The following EP400 variants were observed in gnomAD, a reference collection of about 807,000 sequenced individuals.
EP400 encodes the protein E1A-binding protein p400.
A neutral mutation model predicts 354.1 loss-of-function variants in EP400; 105 were observed. The observed-to-expected ratio is 0.30, with a 90% confidence interval of 0.25 to 0.35. The LOEUF is 0.35. Among genes scored for constraint, EP400 ranks in the 10% least tolerant of loss-of-function variants. The probability of loss-of-function intolerance (pLI) is 1.00; values close to 1 mark genes in which losing one functional copy is unlikely to be tolerated. For missense variants in EP400, 3,280 were observed against 4,121.0 expected (o/e 0.80, Z 5.59); for synonymous variants, 1,646 against 1,716.9 (o/e 0.96, Z 1.02).
rs1487298396 is a variant in EP400, at chr12:132,038,231, G to A, written c.6207+135G>A. ...AGCCCTCTTCCCGTCCCTGCTTTTG[G>A]AACCTCCCCACTCCCTTCTTTCTGT... is the stretch of plus-strand genomic sequence containing the variant. On this transcript the variant is annotated intron_variant, in intron 32 of 52. Transcript: ENST00000389561. The surrounding 1 kb of genome is among the most constrained non-coding windows in gnomAD (Gnocchi z 4.2). The A allele has an allele frequency of 3.6e-6, 4 of 1,097,052 alleles. No individual in the cohort carries two copies. In the African/African-American group the frequency reaches 4.7e-5, roughly 13 times the overall value. The allele number at this position is 1,097,052 out of a possible 1,614,324, so 68.0% of individuals were successfully genotyped here.
At chr12:131,953,677 T>C (rs1174939016) in intron 1 of EP400, among the ~76,000 whole-genome samples, 2 of 152,248 alleles carry the variant, frequency 1.3e-5, no homozygotes, top group Admixed American at 1.3e-4. Context: ...GGTGGGAGAA[T>C]AATGAAGGTT....
intron 29 of EP400, among the ~76,000 whole-genome samples, chr12:132,030,529 C>G (rs1470524039): frequency 2.6e-5 from 4 of 152,184 alleles, no homozygotes; most frequent in African/African-American, 9.7e-5. Flanking sequence ...TTTGCCAAGG[C>G]TGTTTTGTTT....
At chr12:131,974,798 G>C (rs562959219) in intron 2 of EP400, among the ~76,000 whole-genome samples, 1 of 151,946 alleles carries the variant, frequency 6.6e-6, no homozygotes, top group African/African-American at 2.4e-5. Context: ...AACCAGCCTG[G>C]TCAACATAGT....
At chr12:131,978,097 A>G (rs1303933452) in intron 2 of EP400, among the ~76,000 whole-genome samples, 1 of 152,234 alleles carries the variant, frequency 6.6e-6, no homozygotes, top group Non-Finnish European at 1.5e-5. Flanking sequence ...TGTGCTAACC[A>G]AGAGTTGGCT....
chr12:131,999,826 C>G (rs1249614879), intron 12 of EP400, among the ~76,000 whole-genome samples: 1 of 152,108 alleles, frequency 6.6e-6, no homozygotes, highest in Non-Finnish European at 1.5e-5. Context: ...TTTATTTCAT[C>G]TACATTTTAA....
chr12:131,986,687 A>C lies in EP400; in HGVS notation c.2103A>C (p.Pro701=). 6.2e-7 allele frequency: 1 copy of C among 1,614,144 alleles called. No individual in the cohort carries two copies. The highest frequency in any genetic ancestry group is 8.5e-7 in the Non-Finnish European group (1 of 1,180,020). Residue 701 remains proline, a synonymous_variant, in exon 6 of 53, where the codon CCA becomes CCC. Coordinates refer to ENST00000389561, the MANE Select transcript of EP400 (RefSeq NM_015409.5). The part of the protein sequence containing the change: ...PSSATNKALS[P]VTSRTPGVVA... ...CAGCCACCAATAAGGCACTATCTCC[A>C]GTCACTTCCCGGACCCCAGGGGTGG... is the stretch of plus-strand genomic sequence containing the variant.
At position 132,013,292 on chromosome 12, in the gene EP400, G is replaced by T; in HGVS notation, c.3611+114G>T. The T allele has an allele frequency of 1.4e-6, 2 of 1,444,626 alleles. No homozygotes were observed. Among genetic ancestry groups the T allele is most frequent in the Non-Finnish European group, 1.8e-6 (2 of 1,084,470 alleles). The allele number at this position is 1,444,626 out of a possible 1,614,324, so 89.5% of individuals were successfully genotyped here. A position where few individuals can be genotyped will look rare whatever the true frequency, so the allele number is the denominator to read the frequency against. On this transcript the variant is annotated intron_variant, in intron 17 of 52. Transcript: ENST00000389561. This position sits in a 1 kb window ranked among gnomAD's most constrained non-coding sequence, Gnocchi z 4.5. ...ACAATGGCCTTTGAGCTAGAGAATT[G>T]CTTTTCATCTTCATCCCAGCACATG...
At chr12:131,966,243 A>T (rs1892075741) in intron 2 of EP400, among the ~76,000 whole-genome samples, 1 of 152,036 alleles carries the variant, frequency 6.6e-6, no homozygotes, top group Admixed American at 6.5e-5. Context: ...GCACTTTGGG[A>T]GGCCAAGGTG....
chr12:132,032,029 T>C lies in EP400; in HGVS notation c.5831T>C (p.Ile1944Thr), dbSNP rs1221971092. 6.2e-7 allele frequency: 1 copy of C among 1,614,216 alleles called. No homozygotes were observed. Among genetic ancestry groups the C allele is most frequent in the African/African-American group, 1.3e-5 (1 of 75,054 alleles). ...TCCACTCACAGCCGTACCACAGGTA[T>C]AAACCTTGTAGAGGCGGACACCGTC... is the stretch of plus-strand genomic sequence containing the variant. The part of the protein sequence containing the change: ...ILSTHSRTTG[I>T]NLVEADTVVF... The change falls in exon 30 of 53, where the codon ATA becomes ACA. Residue 1944 changes from isoleucine (I) to threonine (T), a missense_variant. This residue lies in a region of EP400 where 459 missense variants were observed against 496.9 expected (regional missense o/e 0.92). Coordinates refer to ENST00000389561, the MANE Select transcript of EP400 (RefSeq NM_015409.5).
In EP400 at chr12:132,079,968, T is replaced by C. The variant is rs1003910347; in HGVS notation, c.*2295T>C. Reference sequence around the variant, plus strand: ...AGGTTAAAGTTTCTAACCTAAGAATTAAGTACGCGTTCAGGAAGCTGTTGT... The same window carrying C: ...AGGTTAAAGTTTCTAACCTAAGAATCAAGTACGCGTTCAGGAAGCTGTTGT... On this transcript the variant is annotated 3_prime_UTR_variant, in exon 53 of 53. Coordinates refer to ENST00000389561, the MANE Select transcript of EP400 (RefSeq NM_015409.5). 6.6e-6 allele frequency: 1 copy of C among 152,234 alleles called. No homozygotes were observed. Among genetic ancestry groups the C allele is most frequent in the Admixed American group, 6.5e-5 (1 of 15,276 alleles). 9.4% of individuals were successfully genotyped at this position (152,234 alleles called of 1,614,324 possible).
chr12:132,043,838 C>A lies in EP400; in HGVS notation c.6450+110C>A, dbSNP rs1894993927. ...AAATTAAAGTCACAAAAGCCAAAAC[C>A]CACAAGTATGGAAATGAACTTAAAA... On this transcript the variant is annotated intron_variant, in intron 34 of 52. Coordinates refer to ENST00000389561, the MANE Select transcript of EP400 (RefSeq NM_015409.5). The A allele has an allele frequency of 5.0e-6, 5 of 1,000,864 alleles. No individual in the cohort carries two copies. In the Admixed American group the frequency reaches 1.3e-4, roughly 27 times the overall value. 62.0% of individuals were successfully genotyped at this position (1,000,864 alleles called of 1,614,324 possible). A position where few individuals can be genotyped will look rare whatever the true frequency, so the allele number is the denominator to read the frequency against.
chr12:132,035,638 TCACA>T lies in EP400; in HGVS notation c.5952-2037_5952-2034del, dbSNP rs748569202. Among the ~76,000 whole-genome samples the T allele has an allele frequency of 4.7e-4, 68 of 146,170 alleles. 1 individual carries two copies. Among genetic ancestry groups the T allele is most frequent in the African/African-American group, 1.4e-3 (54 of 38,890 alleles). On this transcript the variant is annotated intron_variant, in intron 30 of 52. Transcript: ENST00000389561. Reference sequence around the variant, plus strand: ...ACGTCGTGGAAGGGCACACCCAGGTTCACACACACAGCATCGTGGAACGACACAC... The same window carrying T: ...ACGTCGTGGAAGGGCACACCCAGGTTCACACAGCATCGTGGAACGACACAC...
chr12:131,963,201 A>G (rs888719097), intron 2 of EP400, among the ~76,000 whole-genome samples: 11 of 152,188 alleles, frequency 7.2e-5, no homozygotes, highest in Non-Finnish European at 1.2e-4. Flanking sequence ...CCCTACATAT[A>G]ACAGAGTGGC....
In EP400 at chr12:132,038,216, C is replaced by G; in HGVS notation, c.6207+120C>G. 2 of 1,315,400 alleles carry G rather than the reference C, an allele frequency of 1.5e-6. No individual in the cohort carries two copies. The highest frequency in any genetic ancestry group is 2.1e-6 in the Non-Finnish European group (2 of 964,140). 81.5% of individuals were successfully genotyped at this position (1,315,400 alleles called of 1,614,324 possible). On this transcript the variant is annotated intron_variant, in intron 32 of 52. Transcript: ENST00000389561. This position sits in a 1 kb window ranked among gnomAD's most constrained non-coding sequence, Gnocchi z 4.2. ...TCTTCCCTGGCCTGAAGCCCTCTTC[C>G]CGTCCCTGCTTTTGGAACCTCCCCA...
chr12:132,041,093 C>T (rs1301081424), intron 32 of EP400, among the ~76,000 whole-genome samples: 1 of 152,150 alleles, frequency 6.6e-6, no homozygotes, highest in African/African-American at 2.4e-5. Flanking sequence ...TTGACCGGCC[C>T]CTGGGGACAG....
intron 1 of EP400, among the ~76,000 whole-genome samples, chr12:131,956,683 A>G (rs1593307530): frequency 6.6e-6 from 1 of 152,058 alleles, no homozygotes; most frequent in South Asian, 2.1e-4. Flanking sequence ...CACCTTCCCA[A>G]ATTGCTTCTG....
chr12:132,056,200 G>T (rs1895509771), intron 45 of EP400, among the ~76,000 whole-genome samples: 1 of 152,098 alleles, frequency 6.6e-6, no homozygotes, highest in Non-Finnish European at 1.5e-5. Context: ...TTTCCAAATA[G>T]TTCACAGACC....
Position 131,960,937 on chromosome 12 carries a change from C to A in EP400, c.318C>A (p.Phe106Leu). 3 of 1,613,508 alleles carry A rather than the reference C, an allele frequency of 1.9e-6. No homozygotes were observed. The highest frequency in any genetic ancestry group is 2.5e-6 in the Non-Finnish European group (3 of 1,179,936). ...LPSPTSPGFQ[F>L]SAQPRRFEHG... The stretch of plus-strand genomic sequence containing the variant: ...GCCCCACCTCTCCAGGCTTCCAGTT[C>A]AGCGCTCAGCCTCGGCGGTTTGAGC... Residue 106 changes from phenylalanine (F) to leucine (L), a missense_variant, in exon 2 of 53, where the codon TTC (phenylalanine) becomes TTA (leucine). Coordinates refer to ENST00000389561, the MANE Select transcript of EP400 (RefSeq NM_015409.5).
chr12:131,983,374 G>C (rs559393820), intron 5 of EP400, among the ~76,000 whole-genome samples: 5 of 152,372 alleles, frequency 3.3e-5, no homozygotes, highest in African/African-American at 1.2e-4. Flanking sequence ...TACTGATGCA[G>C]CTTGATACAC....
Sources: gnomAD v4.1 joint callset for allele counts (sites outside exome capture counted in the v4.1 genomes callset) on GRCh38, gnomAD v4.1.1 for gene constraint, gnomAD v4.1.1 regional missense constraint, Gnocchi (gnomAD v3.1) non-coding constraint, MANE v1.5 for transcripts, NCBI Gene and HGNC (gene_info 2026-07-23, HGNC 2026-07-21) for gene names.